Variants in RIOK2 observed in about 807,000 individuals in gnomAD.
RIOK2 encodes RIO kinase 2.
A neutral mutation model predicts 62.4 loss-of-function variants in RIOK2; 46 were observed. The ratio of observed to expected loss-of-function variants is 0.74; its 90% CI spans 0.58 to 0.94. The LOEUF is 0.94. Among genes scored for constraint, RIOK2 ranks in the 40% least tolerant of loss-of-function variants. The pLI, the probability that RIOK2 is intolerant of heterozygous loss-of-function variation, is 0.00. For missense variants in RIOK2, 574 were observed against 658.0 expected (o/e 0.87, Z 1.40); for synonymous variants, 197 against 216.0 (o/e 0.91, Z 0.77).
chr5:97,172,201 C>A (rs1486070526), intron 5 of RIOK2, among the ~76,000 whole-genome samples: 1 of 152,116 alleles, frequency 6.6e-6, no homozygotes, highest in Admixed American at 6.5e-5. Flanking sequence ...GGTTTAAATA[C>A]CACATATACA....
At position 97,182,297 on chromosome 5, in the gene RIOK2, C is replaced by T. The variant is rs1749435038; in HGVS notation, c.66+829G>A. On this transcript the variant is annotated intron_variant, in intron 1 of 9. Transcript: ENST00000283109. ...TTTCTCACCTTTTCCGCTACATCTC[C>T]AACCATTAGTGTGCATCTCACTTTG... is the stretch of plus-strand genomic sequence containing the variant. Among the ~76,000 whole-genome samples the T allele has an allele frequency of 3.9e-5, 6 of 152,320 alleles. No individual in the cohort carries two copies. The South Asian group carries it at 1.0e-3, about 26-fold the overall frequency.
Position 97,180,004 on chromosome 5 carries a change from T to TAATATATATATAAAA in RIOK2, c.67-812_67-811insTTTTATATATATATT, listed in dbSNP as rs1491354180. On this transcript the variant is annotated intron_variant, in intron 1 of 9. Coordinates refer to ENST00000283109, the MANE Select transcript of RIOK2 (RefSeq NM_018343.3). ...TATATATATATAAAATATATATATATTATATATATATAATATATATATAAT... is the reference window on the plus strand; with the variant it reads ...TATATATATATAAAATATATATATATAATATATATATAAAATATATATATATAATATATATATAAT... Among the ~76,000 whole-genome samples the TAATATATATATAAAA allele has an allele frequency of 1.6e-4, 6 of 36,684 alleles. 1 individual carries two copies. In the South Asian group the frequency reaches 2.7e-3, roughly 17 times the overall value. 24.1% of individuals were successfully genotyped at this position (36,684 alleles called of 152,430 possible). A position where few individuals can be genotyped will look rare whatever the true frequency, so the allele number is the denominator to read the frequency against.
Position 97,171,242 on chromosome 5 carries a change from G to A in RIOK2, c.743C>T (p.Pro248Leu). 1 of 1,589,972 alleles carries A rather than the reference G, an allele frequency of 6.3e-7. No homozygotes were observed. The highest frequency in any genetic ancestry group is 8.6e-7 in the Non-Finnish European group (1 of 1,167,446). ...ESDHITMIDF[P>L]QMVSTSHPNA... Reference sequence around the variant, plus strand: ...GGGATGAGAAGTTGAAACCATCTGTGGAAAATCAATCATGGTGATATGGTC... The same window carrying A: ...GGGATGAGAAGTTGAAACCATCTGTAGAAAATCAATCATGGTGATATGGTC... The change falls in exon 6 of 10, where the codon CCA becomes CTA. Residue 248 changes from proline to leucine, a missense_variant. Coordinates refer to ENST00000283109, the MANE Select transcript of RIOK2 (RefSeq NM_018343.3).
In RIOK2 at chr5:97,171,251, A is replaced by C. The variant is rs780128896; in HGVS notation, c.734T>G (p.Ile245Ser). Residue 245 changes from isoleucine to serine, a missense_variant, in exon 6 of 10, where the codon ATT becomes AGT. Transcript: ENST00000283109. ...AGTTGAAACCATCTGTGGAAAATCA[A>C]TCATGGTGATATGGTCACTTTCATC... ...ILDESDHITM[I>S]DFPQMVSTSH... 3.8e-6 allele frequency: 6 copies of C among 1,598,644 alleles called. No individual in the cohort carries two copies. Among genetic ancestry groups the C allele is most frequent in the Non-Finnish European group, 5.1e-6 (6 of 1,172,130 alleles).
chr5:97,170,263 T>C (rs1748964504), intron 6 of RIOK2, among the ~76,000 whole-genome samples: 1 of 152,234 alleles, frequency 6.6e-6, no homozygotes, highest in Admixed American at 6.5e-5. Context: ...GATAAGGTCC[T>C]GTTTCATGAC....
At chr5:97,182,349 C>T (rs1749436477) in intron 1 of RIOK2, among the ~76,000 whole-genome samples, 1 of 152,190 alleles carries the variant, frequency 6.6e-6, no homozygotes, top group Non-Finnish European at 1.5e-5. Flanking sequence ...TTGGCCTTTC[C>T]TCTCTTCAAA....
chr5:97,180,142 G>GTATATGTATATATATATATATGTATA (rs1749353627), intron 1 of RIOK2, among the ~76,000 whole-genome samples: 1 of 96,072 alleles, frequency 1.0e-5, no homozygotes, highest in African/African-American at 4.1e-5. Context: ...ATATATATAT[G>GTATATGTATATATATATATATGTATA]TATATATATA....
chr5:97,180,163 T>C (rs1749365017), intron 1 of RIOK2, among the ~76,000 whole-genome samples: 1 of 133,360 alleles, frequency 7.5e-6, no homozygotes, highest in South Asian at 2.4e-4. Context: ...TATATATATG[T>C]GCTTTTTACC....
intron 4 of RIOK2, among the ~76,000 whole-genome samples, chr5:97,174,822 C>T (rs931835064): frequency 4.6e-5 from 7 of 152,026 alleles, no homozygotes; most frequent in African/African-American, 1.7e-4. Flanking sequence ...CTTATAACCC[C>T]GGTACTTTGG....
chr5:97,167,461 C>T lies in RIOK2; in HGVS notation c.1397+6G>A. The T allele has an allele frequency of 1.2e-6, 2 of 1,612,832 alleles. No homozygotes were observed. Among genetic ancestry groups the T allele is most frequent in the Non-Finnish European group, 1.7e-6 (2 of 1,179,458 alleles). ...AAGTTAAAAAGCAATCGACAGAAGT[C>T]TATACCTGAAAGGCCTGAATTCTCT... is the stretch of plus-strand genomic sequence containing the variant. On this transcript the variant is annotated splice_donor_region_variant and intron_variant, in intron 8 of 9. Coordinates refer to ENST00000283109, the MANE Select transcript of RIOK2 (RefSeq NM_018343.3).
intron 8 of RIOK2, chr5:97,166,798 A>G: frequency 1.0e-6 from 1 of 986,842 alleles, no homozygotes; most frequent in Non-Finnish European, 1.2e-6. Context: ...ATGCCTTTAC[A>G]TAACTCAAAC....
chr5:97,180,126 GTATATA>G (rs1339692700), intron 1 of RIOK2, among the ~76,000 whole-genome samples: 1 of 30,786 alleles, frequency 3.2e-5, no homozygotes, highest in African/African-American at 8.6e-5. Flanking sequence ...ATGTGTATAT[GTATATA>G]TATATATATG....
chr5:97,162,910 A>T lies in RIOK2; in HGVS notation c.*151T>A. On this transcript the variant is annotated 3_prime_UTR_variant, in exon 10 of 10. Transcript: ENST00000283109. Reference sequence around the variant, plus strand: ...CTTTGGCAGGTAATTATTCTTTGCAAGACACATACTGAATGACCAAATTTA... The same window carrying T: ...CTTTGGCAGGTAATTATTCTTTGCATGACACATACTGAATGACCAAATTTA... The T allele has an allele frequency of 1.6e-6, 1 of 635,754 alleles. No individual in the cohort carries two copies. Among genetic ancestry groups the T allele is most frequent in the Non-Finnish European group, 2.6e-6 (1 of 385,688 alleles). The allele number at this position is 635,754 out of a possible 1,614,324, so 39.4% of individuals were successfully genotyped here. A position where few individuals can be genotyped will look rare whatever the true frequency, so the allele number is the denominator to read the frequency against.
chr5:97,178,461 CA>C (rs902831826), intron 2 of RIOK2, among the ~76,000 whole-genome samples: 9 of 150,490 alleles, frequency 6.0e-5, no homozygotes, highest in African/African-American at 2.0e-4. Context: ...GCAGTACCTA[CA>C]TGCTCTTCTG....
chr5:97,169,422 G>A (rs2112830704), intron 6 of RIOK2, among the ~76,000 whole-genome samples: 1 of 152,352 alleles, frequency 6.6e-6, no homozygotes, highest in Non-Finnish European at 1.5e-5. Flanking sequence ...CTGAGGACAT[G>A]TTAATCTGGA....
Position 97,183,142 on chromosome 5 carries a change from A to T in RIOK2, c.50T>A (p.Phe17Tyr). 1 of 1,614,072 alleles carries T rather than the reference A, an allele frequency of 6.2e-7. No individual in the cohort carries two copies. The highest frequency in any genetic ancestry group is 8.5e-7 in the Non-Finnish European group (1 of 1,179,972). The change falls in exon 1 of 10, where the codon TTC (phenylalanine) becomes TAC (tyrosine). Residue 17 changes from phenylalanine to tyrosine, a missense_variant. Physicochemically the swap from Phe to Tyr is conservative, Grantham distance 22. Transcript: ENST00000283109. ...AKLRYMSRDD[F>Y]RVLTAVEMGM... Reference sequence around the variant, plus strand: ...GTTTCTTACCGCGGTCAAGACCCTGAAGTCATCTCGGCTCATGTAACGCAA... The same window carrying T: ...GTTTCTTACCGCGGTCAAGACCCTGTAGTCATCTCGGCTCATGTAACGCAA...
intron 4 of RIOK2, chr5:97,176,122 A>G (rs1749156489): frequency 1.3e-5 from 2 of 152,138 alleles, no homozygotes; most frequent in Non-Finnish European, 1.5e-5. Context: ...ATTTTTTTCT[A>G]TTTGTATAAA....
At chr5:97,180,835 CG>C (rs923983251) in intron 1 of RIOK2, among the ~76,000 whole-genome samples, 34 of 150,158 alleles carry the variant, frequency 2.3e-4, no homozygotes, top group African/African-American at 8.1e-4. Flanking sequence ...GTAAAGGGAA[CG>C]GAAAGCCACA....
intron 8 of RIOK2, 94 bp from the exon 9 acceptor site, chr5:97,165,241 A>G: frequency 1.9e-6 from 1 of 532,350 alleles, no homozygotes; most frequent in Non-Finnish European, 3.0e-6. Flanking sequence ...ATGCAGCAAA[A>G]CTGAAGACAT....
Sources: allele counts gnomAD v4.1 joint callset (sites outside exome capture counted in the v4.1 genomes callset), GRCh38; gene constraint gnomAD v4.1.1; transcripts MANE v1.5; gene names NCBI Gene and HGNC (gene_info 2026-07-23, HGNC 2026-07-21).